Variants in ALLC observed in about 807,000 individuals in gnomAD.
ALLC encodes the protein allantoicase, also known as probable inactive allantoicase.
In ALLC, 40 loss-of-function variants were observed where a neutral mutation model predicts 45.0. That is an observed-to-expected ratio of 0.89 (90% CI 0.69 to 1.16). The LOEUF (loss-of-function observed/expected upper bound fraction) is 1.16, where lower values mean the gene tolerates loss of function less well. ALLC is among the 50% of genes most tolerant of loss of function. The pLI is 0.00. For synonymous variants in ALLC, 176 were observed against 178.1 expected, an observed-to-expected ratio of 0.99 and a Z score of 0.09; for missense variants, 488 against 493.1, an observed-to-expected ratio of 0.99 and a Z score of 0.10.
At chr2:3,692,885 G>T (rs1004444067) in intron 7 of ALLC, among the ~76,000 whole-genome samples, 1 of 152,118 alleles carries the variant, frequency 6.6e-6, no homozygotes, top group African/African-American at 2.4e-5. Context: ...ATGAGTCAGG[G>T]CTGGGTCAAA....
the ALLC span, among the ~76,000 whole-genome samples, chr2:3,651,830 G>T: frequency 6.6e-5 from 10 of 152,088 alleles, no homozygotes; most frequent in South Asian, 2.1e-4. Context: ...TCATCCGGAT[G>T]CTCCTCCCTT....
intron 7 of ALLC, 157 bp from the exon 8 acceptor site, chr2:3,695,560 C>T (rs777501057): frequency 1.1e-5 from 8 of 723,852 alleles, no homozygotes; most frequent in Non-Finnish European, 1.9e-5. Flanking sequence ...AGTGCAAAGG[C>T]CCTGGGGCAG....
intron 8 of ALLC, 81 bp from the exon 9 acceptor site, chr2:3,696,194 C>A (rs1369728041): frequency 3.7e-5 from 42 of 1,149,064 alleles, no homozygotes; most frequent in Non-Finnish European, 2.8e-5. Context: ...TGCATAAGAT[C>A]TGTAATTTAA....
chr2:3,673,343 C>A, intron 2 of ALLC, among the ~76,000 whole-genome samples: 1 of 152,222 alleles, frequency 6.6e-6, no homozygotes, highest in Non-Finnish European at 1.5e-5. Context: ...CCTGATATGT[C>A]CACCTACCTG....
Position 3,671,081 on chromosome 2 carries a change from C to A in ALLC, c.-62-15C>A. 1 of 1,536,244 alleles carries A rather than the reference C, an allele frequency of 6.5e-7. No individual in the cohort carries two copies. The highest frequency in any genetic ancestry group is 8.9e-7 in the Non-Finnish European group (1 of 1,125,706). On this transcript the variant is annotated splice_polypyrimidine_tract_variant and intron_variant, in intron 1 of 11. Transcript: ENST00000252505. ...GCAGCCCCCAAGGTTGACCGAGCTG[C>A]CCTCTCCCTTCCAGGAAGCACGGCT...
chr2:3,653,118 A>G, the ALLC span, among the ~76,000 whole-genome samples: 1 of 152,318 alleles, frequency 6.6e-6, no homozygotes, highest in South Asian at 2.1e-4. This position sits in a 1 kb window ranked among gnomAD's most constrained non-coding sequence, Gnocchi z 4.1. Flanking sequence ...GGGTGGCAGC[A>G]GCATTTTGGC....
At chr2:3,647,381 CCTT>C in the ALLC span, among the ~76,000 whole-genome samples, 387 of 152,172 alleles carry the variant, frequency 2.5e-3, 4 homozygotes, top group Middle Eastern at 0.044. Context: ...TTCTTTCTCA[CCTT>C]CTTCATCAGC....
intron 10 of ALLC, among the ~76,000 whole-genome samples, chr2:3,700,301 G>C (rs569772990): frequency 3.9e-5 from 6 of 152,032 alleles, no homozygotes; most frequent in Non-Finnish European, 7.4e-5. Context: ...TTTTAGATCT[G>C]GTTATGTGGC....
the ALLC span, among the ~76,000 whole-genome samples, chr2:3,647,219 C>T: frequency 6.6e-6 from 1 of 152,128 alleles, no homozygotes; most frequent in African/African-American, 2.4e-5. Flanking sequence ...ACACATACGT[C>T]TAAGAAGCAA....
At chr2:3,681,506 C>A in intron 5 of ALLC, 128 bp from the exon 6 acceptor site, 1 of 590,058 alleles carries the variant, frequency 1.7e-6, no homozygotes, top group East Asian at 3.0e-5. Context: ...TTACTTTGAT[C>A]ATTTGATACT....
At chr2:3,651,321 G>GGT in the ALLC span, among the ~76,000 whole-genome samples, 1 of 1,726 alleles carries the variant, frequency 5.8e-4, no homozygotes, top group African/African-American at 2.1e-3. Context: ...GGTGGGGGGG[G>GGT]TGTGTGTGTG....
chr2:3,675,826 G>A (rs115053474), intron 3 of ALLC, among the ~76,000 whole-genome samples: 4,177 of 152,324 alleles, frequency 0.027, 176 homozygotes, highest in African/African-American at 0.095. Context: ...GGCTGCTGAA[G>A]CAAAATACTG....
intron 7 of ALLC, among the ~76,000 whole-genome samples, chr2:3,692,467 C>T (rs577903046): frequency 3.3e-5 from 5 of 152,318 alleles, no homozygotes; most frequent in African/African-American, 1.2e-4. Context: ...AGACCCACTG[C>T]CCATGTGTTG....
At chr2:3,683,650 G>T (rs1223676085) in intron 7 of ALLC, among the ~76,000 whole-genome samples, 1 of 152,082 alleles carries the variant, frequency 6.6e-6, no homozygotes, top group African/African-American at 2.4e-5. Context: ...ATATAATATT[G>T]GTCTTTTGTG....
chr2:3,674,859 A>G (rs547186664), intron 3 of ALLC, among the ~76,000 whole-genome samples: 1 of 152,340 alleles, frequency 6.6e-6, no homozygotes, highest in African/African-American at 2.4e-5. Flanking sequence ...CACAGTTACT[A>G]AATGCCAAAG....
chr2:3,693,061 G>A (rs148079961), intron 7 of ALLC, among the ~76,000 whole-genome samples: 11 of 152,268 alleles, frequency 7.2e-5, no homozygotes, highest in African/African-American at 2.2e-4. Context: ...TCTGGGAGAG[G>A]GTGTGCAGGT....
chr2:3,654,160 A>G (rs1280291114), upstream of ALLC, among the ~76,000 whole-genome samples: 1 of 152,236 alleles, frequency 6.6e-6, no homozygotes, highest in Admixed American at 6.5e-5. Flanking sequence ...GGATCCTGCC[A>G]TGTGGGCCTC....
upstream of ALLC, chr2:3,658,050 G>A (rs1437602115): frequency 2.0e-5 from 3 of 152,474 alleles, no homozygotes; most frequent in East Asian, 5.8e-4. Context: ...TCTGGCTTCG[G>A]GCCTTGTGCG....
chr2:3,700,017 A>AT (rs926313179), intron 10 of ALLC, among the ~76,000 whole-genome samples: 14 of 151,510 alleles, frequency 9.2e-5, no homozygotes, highest in South Asian at 2.1e-4. Context: ...CCCATTTGTC[A>AT]TTTTTTTTGC....
Sources: allele counts gnomAD v4.1 joint callset (sites outside exome capture counted in the v4.1 genomes callset), GRCh38; gene constraint gnomAD v4.1.1; non-coding constraint Gnocchi (gnomAD v3.1); transcripts MANE v1.5; gene names NCBI Gene and HGNC (gene_info 2026-07-23, HGNC 2026-07-21).